SLIT3: variants seen among roughly 807,000 people sequenced by gnomAD.
SLIT3 encodes the protein slit homolog 3 protein.
In SLIT3, 68 loss-of-function variants were observed where a neutral mutation model predicts 184.0. That is an observed-to-expected ratio of 0.37 (90% CI 0.30 to 0.45). The LOEUF is 0.45. Among genes scored for constraint, SLIT3 ranks in the 20% least tolerant of loss-of-function variants. The pLI, the probability that SLIT3 is intolerant of heterozygous loss-of-function variation, is 1.00. For synonymous variants in SLIT3, 831 were observed against 828.6 expected, an observed-to-expected ratio of 1.00 and a Z score of -0.05; for missense variants, 1,707 against 2,026.0, an observed-to-expected ratio of 0.84 and a Z score of 3.02.
chr5:169,079,884 A>T (rs1336998281), intron 4 of SLIT3, among the ~76,000 whole-genome samples: 1 of 79,730 alleles, frequency 1.3e-5, no homozygotes, highest in Non-Finnish European at 2.5e-5. Flanking sequence ...AGGAGGAGGA[A>T]GAGCAAAGGG....
chr5:169,032,808 T>G (rs1757080887), intron 4 of SLIT3, among the ~76,000 whole-genome samples: 1 of 152,096 alleles, frequency 6.6e-6, no homozygotes, highest in Admixed American at 6.5e-5. Context: ...AAATGAATTT[T>G]ATTGTGTATA....
At chr5:168,697,613 A>G (rs1413981899) in intron 27 of SLIT3, among the ~76,000 whole-genome samples, 3 of 152,164 alleles carry the variant, frequency 2.0e-5, no homozygotes, top group Admixed American at 2.0e-4. Flanking sequence ...AAAGTAAACT[A>G]CACTCAGCTA....
intron 4 of SLIT3, among the ~76,000 whole-genome samples, chr5:169,108,991 T>C (rs78956867): frequency 0.06 from 9,069 of 152,290 alleles, 371 homozygotes; most frequent in East Asian, 0.14. Context: ...CTTGTGTCCA[T>C]GTCTTTTTGT....
chr5:168,684,375 C>T (rs1057368928), intron 31 of SLIT3, among the ~76,000 whole-genome samples: 7 of 152,166 alleles, frequency 4.6e-5, no homozygotes, highest in Admixed American at 2.0e-4. Context: ...TCAGGAGGCC[C>T]GAACTCTAAT....
chr5:169,058,188 G>A (rs557888173), intron 4 of SLIT3, among the ~76,000 whole-genome samples: 11 of 152,346 alleles, frequency 7.2e-5, no homozygotes, highest in East Asian at 1.9e-4. Context: ...CCATCAGACC[G>A]CTTCTCCCCG....
chr5:168,817,101 A>G (rs988631393), intron 8 of SLIT3, among the ~76,000 whole-genome samples, 199 bp downstream of exon 8: 5 of 152,198 alleles, frequency 3.3e-5, no homozygotes, highest in African/African-American at 1.2e-4. Context: ...TTACCAGATG[A>G]CAAGAGTTTC....
intron 16 of SLIT3, among the ~76,000 whole-genome samples, chr5:168,755,431 TTCTTTC>T (rs1304429536): frequency 2.1e-5 from 1 of 47,168 alleles, no homozygotes; most frequent in Non-Finnish European, 4.1e-5. Flanking sequence ...CTTTCTTTCT[TTCTTTC>T]TTTCTTTCTT....
intron 3 of SLIT3, among the ~76,000 whole-genome samples, chr5:169,229,716 A>T (rs1764933568): frequency 6.6e-6 from 1 of 151,828 alleles, no homozygotes; most frequent in Non-Finnish European, 1.5e-5. Flanking sequence ...GGAGAGGAGC[A>T]GTGCTGAAAT....
chr5:168,738,163 C>T (rs1763497082), intron 20 of SLIT3, among the ~76,000 whole-genome samples: 1 of 152,216 alleles, frequency 6.6e-6, no homozygotes, highest in South Asian at 2.1e-4. Flanking sequence ...GAGGCCAAAA[C>T]TATATTTACA....
At chr5:168,970,202 C>G (rs1457720599) in intron 4 of SLIT3, among the ~76,000 whole-genome samples, 2 of 146,342 alleles carry the variant, frequency 1.4e-5, no homozygotes, top group Non-Finnish European at 3.1e-5. Context: ...AAACAAAAAA[C>G]AGCAAAGACA....
chr5:169,080,060 G>T (rs997291436), intron 4 of SLIT3, among the ~76,000 whole-genome samples: 1 of 150,782 alleles, frequency 6.6e-6, no homozygotes, highest in Admixed American at 6.6e-5. Flanking sequence ...AGAGAGATGG[G>T]CTCAACTCCA....
intron 4 of SLIT3, among the ~76,000 whole-genome samples, chr5:168,996,865 G>A (rs193262044): frequency 1.3e-5 from 2 of 152,312 alleles, no homozygotes; most frequent in Admixed American, 1.3e-4. Context: ...CTCAGGAGGT[G>A]GGTGGCCTGA....
intron 4 of SLIT3, among the ~76,000 whole-genome samples, chr5:168,909,843 C>G (rs10475896): frequency 0.015 from 2,230 of 152,250 alleles, 64 homozygotes; most frequent in African/African-American, 0.051. Flanking sequence ...CCAAGATCTC[C>G]GGACTTATCT....
At chr5:168,777,064 A>AACAC (rs556884651) in intron 12 of SLIT3, among the ~76,000 whole-genome samples, 82 of 65,910 alleles carry the variant, frequency 1.2e-3, no homozygotes, top group East Asian at 0.011. Flanking sequence ...AATTTCATAC[A>AACAC]ACACACACAC....
intron 4 of SLIT3, among the ~76,000 whole-genome samples, chr5:169,017,320 C>G (rs912776787): frequency 6.6e-6 from 1 of 152,202 alleles, no homozygotes; most frequent in Non-Finnish European, 1.5e-5. Flanking sequence ...TCTGGACTCT[C>G]CTGGGACATC....
chr5:168,732,847 C>T (rs1003563037), intron 20 of SLIT3, among the ~76,000 whole-genome samples: 2 of 152,136 alleles, frequency 1.3e-5, no homozygotes, highest in Admixed American at 1.3e-4. Context: ...AAATGTAAAA[C>T]ATGCAAATAT....
At chr5:168,723,099 T>TCATCTACC (rs771379357) in intron 21 of SLIT3, 95 bp from the exon 22 acceptor site, 23 of 824,184 alleles carry the variant, frequency 2.8e-5, no homozygotes, top group Non-Finnish European at 4.7e-5. Flanking sequence ...ATCCACCCAC[T>TCATCTACC]CATCTACCCA....
At chr5:169,178,528 G>A (rs1581022350) in intron 4 of SLIT3, among the ~76,000 whole-genome samples, 1 of 152,170 alleles carries the variant, frequency 6.6e-6, no homozygotes, top group African/African-American at 2.4e-5. Flanking sequence ...TCTTCCAGCT[G>A]CTTTGGGAGG....
rs1394622155 is a variant in SLIT3 at position 168,817,310 on chromosome 5, G to A, written c.783C>T (p.Tyr261=). Residue 261 remains tyrosine, a synonymous_variant, in exon 8 of 36, where the codon TAC becomes TAT. Coordinates refer to ENST00000519560, the MANE Select transcript of SLIT3 (RefSeq NM_003062.4). ...FNVADVQKKE[Y]VCPAPHSEPP... The stretch of plus-strand genomic sequence containing the variant: ...GTAAAGCATCCTCACCTGGGCACAC[G>A]TACTCCTTCTTCTGCACATCCGCCA... 1.5e-5 allele frequency: 24 copies of A among 1,614,024 alleles called. No homozygotes were observed. Among genetic ancestry groups the A allele is most frequent in the African/African-American group, 1.5e-4 (11 of 74,894 alleles).
Sources: allele counts gnomAD v4.1 joint callset (sites outside exome capture counted in the v4.1 genomes callset), GRCh38; gene constraint gnomAD v4.1.1; transcripts MANE v1.5; gene names NCBI Gene and HGNC (gene_info 2026-07-23, HGNC 2026-07-21).